The following EYA3 variants were observed in gnomAD, a reference collection of about 807,000 sequenced individuals.
EYA3 encodes EYA transcriptional coactivator and phosphatase 3.
EYA3 carries 39 observed loss-of-function variants against 80.0 expected under a neutral mutation model. The observed-to-expected ratio is 0.49, with a 90% CI of 0.38 to 0.64. EYA3 has a LOEUF of 0.64. Among genes scored for constraint, EYA3 ranks in the 30% least tolerant of loss-of-function variants. The pLI is 0.00. For missense variants in EYA3, 523 were observed against 676.1 expected (o/e 0.77, Z 2.51); for synonymous variants, 206 against 232.8 (o/e 0.88, Z 1.05).
intron 5 of EYA3, among the ~76,000 whole-genome samples, chr1:28,036,556 C>A (rs903223156): frequency 6.6e-6 from 1 of 152,178 alleles, no homozygotes; most frequent in African/African-American, 2.4e-5. Context: ...AGGTAAGTAA[C>A]AAAATCTGGG....
rs1278628568 is a variant in EYA3, at chr1:27,989,699, G to C, written c.1416C>G (p.Ser472=). ...ACCTAAAAGAACCATTTCCATACCT[G>C]GACTGGATGAGAAGTAAGGACTTTA... is the stretch of plus-strand genomic sequence containing the variant. ...TALKSLLLIQ[S]RKNCVNVLIT... Residue 472 remains serine (S), a splice_region_variant and synonymous_variant, in exon 15 of 18, where the codon TCC becomes TCG. Coordinates refer to ENST00000373871, the MANE Select transcript of EYA3 (RefSeq NM_001990.4). 22 of 1,595,094 alleles carry C rather than the reference G, an allele frequency of 1.4e-5. No homozygotes were observed. Among genetic ancestry groups the C allele is most frequent in the Non-Finnish European group, 1.8e-5 (21 of 1,165,494 alleles).
chr1:27,991,071 T>C (rs1640025736), intron 14 of EYA3, among the ~76,000 whole-genome samples: 1 of 152,146 alleles, frequency 6.6e-6, no homozygotes, highest in African/African-American at 2.4e-5. Flanking sequence ...ACCAATAGCA[T>C]ATCTTTTGCA....
chr1:28,024,815 G>A (rs1026657752), intron 7 of EYA3, among the ~76,000 whole-genome samples: 1 of 152,070 alleles, frequency 6.6e-6, no homozygotes, highest in Non-Finnish European at 1.5e-5. Context: ...TACTACAGAA[G>A]TCAGATCTAC....
chr1:27,992,791 C>T (rs1368044211), intron 14 of EYA3, among the ~76,000 whole-genome samples: 1 of 152,172 alleles, frequency 6.6e-6, no homozygotes, highest in Non-Finnish European at 1.5e-5. Context: ...CTATGATGGA[C>T]ATCACTTTTC....
At chr1:28,054,654 T>G (rs562665974) in intron 2 of EYA3, among the ~76,000 whole-genome samples, 1 of 152,000 alleles carries the variant, frequency 6.6e-6, no homozygotes, top group Non-Finnish European at 1.5e-5. Flanking sequence ...AGCCCAGGAG[T>G]TCGAGACCAG....
At position 28,031,013 on chromosome 1, in the gene EYA3, C is replaced by G. The variant is rs574467596; in HGVS notation, c.362-3087G>C. Among the ~76,000 whole-genome samples, 3 of 152,162 alleles carry G rather than the reference C, an allele frequency of 2.0e-5. No homozygotes were observed. The South Asian group carries it at 6.2e-4, about 32-fold the overall frequency. ...ATTTATAAACATGTTTATTTTTACA[C>G]TATATGAAAATAATACCTTATTAAT... is the stretch of plus-strand genomic sequence containing the variant. On this transcript the variant is annotated intron_variant, in intron 6 of 17. Transcript: ENST00000373871.
chr1:28,008,440 AATAAT>A (rs1641453569), intron 10 of EYA3, among the ~76,000 whole-genome samples: 1 of 152,116 alleles, frequency 6.6e-6, no homozygotes, highest in Non-Finnish European at 1.5e-5. Flanking sequence ...AAAGCACAGC[AATAAT>A]AGAAATCAGA....
At chr1:28,088,147 G>A (rs543114090) in intron 1 of EYA3, among the ~76,000 whole-genome samples, 2 of 152,256 alleles carry the variant, frequency 1.3e-5, no homozygotes, top group South Asian at 2.1e-4. Flanking sequence ...CGTCTCGCTA[G>A]GTGAAAGAAC....
rs376271031 is a variant in EYA3 at position 28,011,035 on chromosome 1, G to C, written c.821C>G (p.Thr274Ser). ...CATGTTTTTCCTGGACTGATCATCA[G>C]TATCTTTACTTGGTGTAGTCTGGGA... The part of the protein sequence containing the change: ...SLSQTTPSKD[T>S]DDQSRKNMTS... Residue 274 changes from threonine to serine, a missense_variant, in exon 10 of 18, where the codon ACT becomes AGT. By Grantham distance (58) the Thr-to-Ser change is moderately conservative. Coordinates refer to ENST00000373871, the MANE Select transcript of EYA3 (RefSeq NM_001990.4). The C allele has an allele frequency of 1.6e-4, 251 of 1,613,882 alleles. No individual in the cohort carries two copies. The highest frequency in any genetic ancestry group is 2.0e-4 in the Non-Finnish European group (238 of 1,179,984).
rs538888247 is a variant in EYA3 at position 27,972,850 on chromosome 1, C to A, written c.*1616G>T. 1 of 152,388 alleles carries A rather than the reference C, an allele frequency of 6.6e-6. No homozygotes were observed. Among genetic ancestry groups the A allele is most frequent in the Non-Finnish European group, 1.5e-5 (1 of 68,074 alleles). The allele number at this position is 152,388 out of a possible 1,614,324, so 9.4% of individuals were successfully genotyped here. ...GCCCAGAGGTCGAGAGATGCTCCTG[C>A]ATTTGGCCCAGGATTAAGTTTTGGG... On this transcript the variant is annotated 3_prime_UTR_variant, in exon 18 of 18. Coordinates refer to ENST00000373871, the MANE Select transcript of EYA3 (RefSeq NM_001990.4).
At chr1:28,065,003 T>C (rs932685709) in intron 1 of EYA3, among the ~76,000 whole-genome samples, 1 of 152,230 alleles carries the variant, frequency 6.6e-6, no homozygotes, top group African/African-American at 2.4e-5. Context: ...TCATTGTAAA[T>C]GTACTTAATT....
chr1:27,978,244 G>A (rs938195861), intron 17 of EYA3, 130 bp downstream of exon 17: 7 of 657,250 alleles, frequency 1.1e-5, no homozygotes, highest in Non-Finnish European at 1.5e-5. Flanking sequence ...TTTCTTTAAA[G>A]AAAAATGGGA....
chr1:28,003,684 A>C (rs1353832524), intron 11 of EYA3, among the ~76,000 whole-genome samples: 1 of 152,156 alleles, frequency 6.6e-6, no homozygotes, highest in Admixed American at 6.5e-5. Flanking sequence ...TTGAGACTAC[A>C]GGTGCATGCC....
At chr1:28,067,913 T>C (rs115943161) in intron 1 of EYA3, among the ~76,000 whole-genome samples, 3 of 152,266 alleles carry the variant, frequency 2.0e-5, no homozygotes, top group Admixed American at 2.0e-4. Flanking sequence ...TATTTTAAAG[T>C]TGAGGAAATT....
At chr1:27,996,737 G>A (rs1258227570) in intron 13 of EYA3, among the ~76,000 whole-genome samples, 2 of 152,220 alleles carry the variant, frequency 1.3e-5, no homozygotes, top group Non-Finnish European at 2.9e-5. Flanking sequence ...GAAAAGATGT[G>A]ACAGGTTTTT....
intron 10 of EYA3, among the ~76,000 whole-genome samples, chr1:28,006,621 G>A (rs529954049): frequency 6.6e-5 from 10 of 152,084 alleles, no homozygotes; most frequent in African/African-American, 2.2e-4. Context: ...CAGGAGAATC[G>A]CTTGAACCTG....
intron 6 of EYA3, among the ~76,000 whole-genome samples, chr1:28,034,123 C>T (rs1424551548): frequency 6.6e-6 from 1 of 151,700 alleles, no homozygotes; most frequent in Non-Finnish European, 1.5e-5. Flanking sequence ...ATATAGTGAT[C>T]ATTTAAAAAA....
chr1:28,008,364 A>G (rs28755400), intron 10 of EYA3, among the ~76,000 whole-genome samples: 1 of 152,106 alleles, frequency 6.6e-6, no homozygotes, highest in Non-Finnish European at 1.5e-5. Context: ...AATCTTCATA[A>G]CCGTGTATTA....
At chr1:28,059,851 G>T (rs559775742) in intron 1 of EYA3, among the ~76,000 whole-genome samples, 1 of 151,722 alleles carries the variant, frequency 6.6e-6, no homozygotes, top group East Asian at 1.9e-4. Context: ...CTCCCAAGTA[G>T]CTGGGACTAC....
Sources: allele counts gnomAD v4.1 joint callset (sites outside exome capture counted in the v4.1 genomes callset), GRCh38; gene constraint gnomAD v4.1.1; transcripts MANE v1.5; gene names NCBI Gene and HGNC (gene_info 2026-07-23, HGNC 2026-07-21).